Variants in CERKL observed in about 807,000 individuals in gnomAD.
CERKL encodes the protein CERK like autophagy regulator, also known as ceramide kinase-like protein.
A neutral mutation model predicts 63.4 loss-of-function variants in CERKL; 61 were observed. The ratio of observed to expected loss-of-function variants is 0.96; its 90% CI spans 0.78 to 1.19. CERKL has a LOEUF of 1.19. CERKL is among the 50% of genes most tolerant of loss of function. CERKL has a pLI of 0.00. For synonymous variants in CERKL, 250 were observed against 230.5 expected (o/e 1.08, Z -0.77); for missense variants, 675 against 655.5 (o/e 1.03, Z -0.33).
chr2:181,553,820 C>T (rs188457297), intron 5 of CERKL, among the ~76,000 whole-genome samples: 12 of 152,172 alleles, frequency 7.9e-5, no homozygotes, highest in African/African-American at 2.2e-4. Flanking sequence ...AATTGCAAAA[C>T]GATAGCTTGT....
intron 1 of CERKL, among the ~76,000 whole-genome samples, chr2:181,623,783 G>A (rs1303621952): frequency 3.9e-5 from 6 of 152,138 alleles, no homozygotes; most frequent in African/African-American, 1.4e-4. Context: ...CAAATCTTGA[G>A]CTGACCTCAT....
intron 2 of CERKL, among the ~76,000 whole-genome samples, chr2:181,602,216 C>G (rs1198781991): frequency 6.6e-6 from 1 of 152,140 alleles, no homozygotes; most frequent in Non-Finnish European, 1.5e-5. Flanking sequence ...CTCAGTGTAG[C>G]CCTTCATAAG....
intron 1 of CERKL, among the ~76,000 whole-genome samples, chr2:181,605,850 C>T (rs1438212684): frequency 2.6e-5 from 4 of 152,024 alleles, no homozygotes; most frequent in Non-Finnish European, 5.9e-5. Context: ...GCTTTTTAGT[C>T]CTTGAAGTAT....
At chr2:181,544,662 T>C in intron 11 of CERKL, 38 bp downstream of exon 11, 3 of 1,195,800 alleles carry the variant, frequency 2.5e-6, no homozygotes, top group Middle Eastern at 3.8e-4. Flanking sequence ...ACATGATTAA[T>C]AGCTTTGCAA....
chr2:181,603,882 CTTCACTTAAATTAATAAG>C lies in CERKL; in HGVS notation c.418_435del (p.Leu140_Glu145del). 1 of 1,613,110 alleles carries C rather than the reference CTTCACTTAAATTAATAAG, an allele frequency of 6.2e-7. No homozygotes were observed. Among genetic ancestry groups the C allele is most frequent in the Non-Finnish European group, 8.5e-7 (1 of 1,179,384 alleles). ...TGTCTAAACCATATGTCACAGTGGT[CTTCACTTAAATTAATAAG>C]ATCAAGTGTAGAATTCTTTAGTTTA... On this transcript the variant is annotated inframe_deletion, in exon 2 of 13. Transcript: ENST00000410087.
chr2:181,562,096 GAGCCACTGCTA>G (rs1232660312), intron 4 of CERKL, among the ~76,000 whole-genome samples: 1 of 151,952 alleles, frequency 6.6e-6, no homozygotes, highest in African/African-American at 2.4e-5. Flanking sequence ...TTACAGGTGT[GAGCCACTGCTA>G]AGCCACTGCA....
chr2:181,547,415 TTAAA>T (rs1687774192), intron 10 of CERKL, among the ~76,000 whole-genome samples, 199 bp downstream of exon 10: 1 of 152,304 alleles, frequency 6.6e-6, no homozygotes, highest in African/African-American at 2.4e-5. Flanking sequence ...CTCAGTGACG[TTAAA>T]TAGTCAATGA....
At chr2:181,552,493 C>A (rs555973552) in intron 5 of CERKL, among the ~76,000 whole-genome samples, 1 of 152,298 alleles carries the variant, frequency 6.6e-6, no homozygotes, top group African/African-American at 2.4e-5. Context: ...TCTCCTTTGC[C>A]TTCCACCATG....
At chr2:181,542,949 GC>G (rs1275244807) in intron 11 of CERKL, among the ~76,000 whole-genome samples, 1 of 152,120 alleles carries the variant, frequency 6.6e-6, no homozygotes, top group Non-Finnish European at 1.5e-5. Context: ...TGAGAGACTT[GC>G]CCCATAGGCA....
At chr2:181,620,027 G>A (rs1375256804) in intron 1 of CERKL, among the ~76,000 whole-genome samples, 2 of 152,134 alleles carry the variant, frequency 1.3e-5, no homozygotes, top group Non-Finnish European at 2.9e-5. Context: ...ACTTCTTTGT[G>A]TATATTAAAA....
At chr2:181,643,974 C>T (rs1296519343) in intron 1 of CERKL, among the ~76,000 whole-genome samples, 1 of 152,210 alleles carries the variant, frequency 6.6e-6, no homozygotes. Flanking sequence ...CCTTGTTAAA[C>T]AGATGTCCCA....
At chr2:181,581,643 A>G (rs1467845225) in intron 2 of CERKL, among the ~76,000 whole-genome samples, 2 of 152,206 alleles carry the variant, frequency 1.3e-5, no homozygotes, top group Non-Finnish European at 2.9e-5. Context: ...ATCCAAACGT[A>G]CAGTAAGCAT....
At chr2:181,606,909 T>C (rs968573861) in intron 1 of CERKL, among the ~76,000 whole-genome samples, 1 of 152,200 alleles carries the variant, frequency 6.6e-6, no homozygotes, top group African/African-American at 2.4e-5. Flanking sequence ...TAAATACTAA[T>C]TGATTAACCC....
rs1687937877 is a variant in CERKL, at chr2:181,550,530, T to C, written c.821-822A>G. On this transcript the variant is annotated intron_variant, in intron 5 of 12. Coordinates refer to ENST00000410087, the MANE Select transcript of CERKL (RefSeq NM_201548.5). The surrounding 1 kb of genome is among the most constrained non-coding windows in gnomAD (Gnocchi z 4.5). ...TTATTAAGAACAGAATGAATGAAGC[T>C]ACAATTTTTCTTGAATTAAAGAATA... Among the ~76,000 whole-genome samples, 1 of 152,160 alleles carries C rather than the reference T, an allele frequency of 6.6e-6. No homozygotes were observed. Among genetic ancestry groups the C allele is most frequent in the Non-Finnish European group, 1.5e-5 (1 of 68,022 alleles).
At chr2:181,612,599 A>G (rs1686012799) in intron 1 of CERKL, among the ~76,000 whole-genome samples, 1 of 152,132 alleles carries the variant, frequency 6.6e-6, no homozygotes, top group Admixed American at 6.5e-5. Context: ...ATAAGTGTCA[A>G]GAAATTAAAC....
At position 181,604,070 on chromosome 2, in the gene CERKL, T is replaced by C. The variant is rs985199179; in HGVS notation, c.248A>G (p.Lys83Arg). Residue 83 changes from lysine to arginine, a missense_variant, in exon 2 of 13, where the codon AAG becomes AGG. Transcript: ENST00000410087. ...TTCTTCTTTACATAGCAAGTCATAC[T>C]TAGAATCACCTGAAAAAAAAATAAA... ...IQPERPAGDS[K>R]YDLLCKEEFI... is the part of the protein sequence containing the mutation. The C allele has an allele frequency of 1.3e-6, 2 of 1,599,446 alleles. No homozygotes were observed. The highest frequency in any genetic ancestry group is 1.7e-6 in the Non-Finnish European group (2 of 1,168,186).
rs921798110 is a variant in CERKL, at chr2:181,565,475, C to T, written c.677+583G>A. ...CATGCCAGTGAACAATCTCTGTACA[C>T]TCCAATGTATTGCGAACAATGGTTT... On this transcript the variant is annotated intron_variant, in intron 4 of 12. Transcript: ENST00000410087. 4.3e-6 allele frequency: 7 copies of T among 1,612,198 alleles called. No homozygotes were observed. The African/African-American group carries it at 5.3e-5, about 12-fold the overall frequency.
chr2:181,580,632 TAA>T (rs1360155863), intron 2 of CERKL, among the ~76,000 whole-genome samples: 9 of 152,308 alleles, frequency 5.9e-5, no homozygotes, highest in Middle Eastern at 3.4e-3. Flanking sequence ...TAAAATGTGA[TAA>T]ACATATTTAT....
chr2:181,552,158 G>A (rs1054208527), intron 5 of CERKL, among the ~76,000 whole-genome samples: 8 of 152,134 alleles, frequency 5.3e-5, no homozygotes, highest in African/African-American at 1.9e-4. Context: ...GGGTGGGAAG[G>A]ACTGGGGAGA....
Sources: gnomAD v4.1 joint callset for allele counts (sites outside exome capture counted in the v4.1 genomes callset) on GRCh38, gnomAD v4.1.1 for gene constraint, Gnocchi (gnomAD v3.1) non-coding constraint, MANE v1.5 for transcripts, NCBI Gene and HGNC (gene_info 2026-07-23, HGNC 2026-07-21) for gene names.